The following POC1B variants were observed in gnomAD, a reference collection of about 807,000 sequenced individuals.
POC1B encodes the protein POC1 centriolar protein B.
A neutral mutation model predicts 60.6 loss-of-function variants in POC1B; 44 were observed. That is an observed-to-expected ratio of 0.73 (90% confidence interval 0.57 to 0.93). The LOEUF is 0.93. Ranked by LOEUF, POC1B falls within the 40% of genes least tolerant of loss-of-function variation. POC1B has a pLI of 0.00. For synonymous variants in POC1B, 180 were observed against 198.9 expected, an observed-to-expected ratio of 0.90 and a Z score of 0.80; for missense variants, 555 against 572.3, an observed-to-expected ratio of 0.97 and a Z score of 0.31.
intron 2 of POC1B, among the ~76,000 whole-genome samples, chr12:89,511,499 C>A (rs1870186060): frequency 6.6e-6 from 1 of 151,990 alleles, no homozygotes; most frequent in Non-Finnish European, 1.5e-5. Flanking sequence ...AGAAGTCCTT[C>A]TCTGTATTTT....
chr12:89,421,172 G>C lies in POC1B; in HGVS notation c.1418C>G (p.Ala473Gly). The part of the protein sequence containing the change: ...CLENQQKLFS[A>G]VQQKS ...TTTTATTCAGCTTTTCTGTTGGACAGCACTGAAAAGCTTTTGCTGATTTTC... is the reference window on the plus strand; with the variant it reads ...TTTTATTCAGCTTTTCTGTTGGACACCACTGAAAAGCTTTTGCTGATTTTC... Residue 473 changes from alanine to glycine, a missense_variant, in exon 12 of 12, where the codon GCT becomes GGT. Coordinates refer to ENST00000313546, the MANE Select transcript of POC1B (RefSeq NM_172240.3). 1 of 1,597,506 alleles carries C rather than the reference G, an allele frequency of 6.3e-7. No homozygotes were observed. The highest frequency in any genetic ancestry group is 8.6e-7 in the Non-Finnish European group (1 of 1,167,608).
intron 2 of POC1B, among the ~76,000 whole-genome samples, chr12:89,510,087 G>C (rs1259439814): frequency 1.3e-5 from 2 of 152,130 alleles, no homozygotes; most frequent in Non-Finnish European, 2.9e-5. Flanking sequence ...GGCCTCAAGT[G>C]ATCTACCTGC....
At chr12:89,508,656 G>A (rs975447198) in intron 2 of POC1B, among the ~76,000 whole-genome samples, 4 of 152,226 alleles carry the variant, frequency 2.6e-5, no homozygotes, top group East Asian at 3.9e-4. Context: ...TGTCCCCACC[G>A]AAAATCTCAT....
intron 2 of POC1B, among the ~76,000 whole-genome samples, chr12:89,507,026 AT>A (rs1726119916): frequency 6.6e-6 from 1 of 152,038 alleles, no homozygotes; most frequent in African/African-American, 2.4e-5. Context: ...TATATAACAT[AT>A]TACGACCCCC....
chr12:89,458,858 T>C (rs1882362277), intron 10 of POC1B, among the ~76,000 whole-genome samples: 1 of 152,190 alleles, frequency 6.6e-6, no homozygotes. Context: ...GTGGCAGTGA[T>C]TTGCCTTGGA....
At chr12:89,437,344 C>T (rs1219895160) in intron 10 of POC1B, among the ~76,000 whole-genome samples, 2 of 152,194 alleles carry the variant, frequency 1.3e-5, no homozygotes, top group African/African-American at 4.8e-5. Context: ...AAAACACATT[C>T]GAGATCATTC....
intron 4 of POC1B, among the ~76,000 whole-genome samples, chr12:89,484,643 T>C (rs914348514): frequency 6.6e-6 from 1 of 152,230 alleles, no homozygotes; most frequent in African/African-American, 2.4e-5. Flanking sequence ...AGCAGACTAA[T>C]GCCCAGAGAA....
intron 1 of POC1B, 164 bp downstream of exon 1, chr12:89,525,717 T>G: frequency 8.0e-7 from 1 of 1,253,088 alleles, no homozygotes; most frequent in African/African-American, 1.6e-5. Flanking sequence ...TCCGCCCCGA[T>G]GGCAGAGAGT....
downstream of POC1B, among the ~76,000 whole-genome samples, chr12:89,418,739 C>T (rs1880413397): frequency 6.6e-6 from 1 of 152,206 alleles, no homozygotes; most frequent in Non-Finnish European, 1.5e-5. Context: ...TCACCATGTG[C>T]TGCTGGCTCT....
chr12:89,425,050 C>T, intron 11 of POC1B, 111 bp downstream of exon 11: 1 of 1,093,250 alleles, frequency 9.1e-7, no homozygotes, highest in South Asian at 1.5e-5. Context: ...GTTTGCTTTG[C>T]TAGTATAGAG....
intron 10 of POC1B, among the ~76,000 whole-genome samples, chr12:89,453,992 C>T (rs74751048): frequency 0.012 from 1,815 of 152,288 alleles, 36 homozygotes; most frequent in African/African-American, 0.042. Context: ...GAAAGAGAAT[C>T]CAATGCACTT....
At chr12:89,525,037 G>C in intron 2 of POC1B, 83 bp downstream of exon 2, 1 of 1,580,668 alleles carries the variant, frequency 6.3e-7, no homozygotes, top group Non-Finnish European at 8.6e-7. Context: ...CGTTCTCCTA[G>C]GGACCCTGCC....
chr12:89,447,204 A>G (rs994998811), intron 10 of POC1B, among the ~76,000 whole-genome samples: 1 of 152,212 alleles, frequency 6.6e-6, no homozygotes, highest in Non-Finnish European at 1.5e-5. Flanking sequence ...TGGTAAACTT[A>G]TCAATATACT....
At chr12:89,412,380 CAA>C in the POC1B span, among the ~76,000 whole-genome samples, 3 of 106,196 alleles carry the variant, frequency 2.8e-5, no homozygotes, top group Non-Finnish European at 5.8e-5. Flanking sequence ...TTGTAGTTTT[CAA>C]AAGTTTTTAA....
intron 4 of POC1B, among the ~76,000 whole-genome samples, chr12:89,479,561 A>C (rs56291414): frequency 0.08 from 12,178 of 151,476 alleles, 697 homozygotes; most frequent in Middle Eastern, 0.14. Flanking sequence ...TATTTATTTA[A>C]ATTAACCTTT....
At chr12:89,519,240 T>C (rs949277285) in intron 2 of POC1B, among the ~76,000 whole-genome samples, 3 of 152,202 alleles carry the variant, frequency 2.0e-5, no homozygotes, top group African/African-American at 7.2e-5. Context: ...CCCTTCAGAA[T>C]ACTTGCTGAT....
chr12:89,475,113 G>C (rs1230916194), intron 4 of POC1B, among the ~76,000 whole-genome samples: 1 of 152,164 alleles, frequency 6.6e-6, no homozygotes, highest in African/African-American at 2.4e-5. Flanking sequence ...ATTTTAGAAA[G>C]TGATAGGAAA....
chr12:89,405,258 G>A, the POC1B span, among the ~76,000 whole-genome samples: 2 of 132,344 alleles, frequency 1.5e-5, no homozygotes, highest in African/African-American at 2.5e-5. Context: ...GTCCCCTATT[G>A]ATCTCCTGAC....
intron 3 of POC1B, among the ~76,000 whole-genome samples, chr12:89,495,034 T>C (rs1413724656): frequency 2.0e-5 from 3 of 152,234 alleles, no homozygotes; most frequent in Non-Finnish European, 4.4e-5. Context: ...CAGCAATAGA[T>C]AACTGACACA....
Sources: gnomAD v4.1 joint callset for allele counts (sites outside exome capture counted in the v4.1 genomes callset) on GRCh38, gnomAD v4.1.1 for gene constraint, MANE v1.5 for transcripts, NCBI Gene and HGNC (gene_info 2026-07-23, HGNC 2026-07-21) for gene names.